Variants in HPSE2 observed in about 807,000 individuals in gnomAD.
HPSE2 encodes inactive heparanase-2.
HPSE2 carries 38 observed loss-of-function variants against 60.5 expected under a neutral mutation model. The observed-to-expected ratio is 0.63, with a 90% CI of 0.48 to 0.82. HPSE2 has a LOEUF of 0.82. Among genes scored for constraint, HPSE2 ranks in the 40% least tolerant of loss-of-function variants. The pLI, the probability that HPSE2 is intolerant of heterozygous loss-of-function variation, is 0.00. For missense variants in HPSE2, 713 were observed against 740.4 expected, an observed-to-expected ratio of 0.96 and a Z score of 0.43; for synonymous variants, 295 against 293.2, an observed-to-expected ratio of 1.01 and a Z score of -0.06.
intron 3 of HPSE2, among the ~76,000 whole-genome samples, chr10:98,795,297 G>A (rs1328389139): frequency 6.6e-6 from 1 of 152,196 alleles, no homozygotes; most frequent in Non-Finnish European, 1.5e-5. Context: ...ACAGTCTTGA[G>A]TCACCAACAC....
At chr10:98,814,138 T>C (rs1951230948) in intron 3 of HPSE2, among the ~76,000 whole-genome samples, 1 of 152,176 alleles carries the variant, frequency 6.6e-6, no homozygotes, top group South Asian at 2.1e-4. Context: ...TAAATGTTAA[T>C]AAAATCATTT....
At chr10:98,475,975 A>C (rs1940996225) in intron 11 of HPSE2, among the ~76,000 whole-genome samples, 1 of 152,192 alleles carries the variant, frequency 6.6e-6, no homozygotes, top group Admixed American at 6.5e-5. Context: ...ATTACTGGGT[A>C]TATATCCAAA....
intron 11 of HPSE2, among the ~76,000 whole-genome samples, chr10:98,466,600 GAC>G (rs1252849980): frequency 7.0e-6 from 1 of 142,854 alleles, no homozygotes; most frequent in Admixed American, 7.0e-5. Context: ...GACAGAGTGA[GAC>G]TCCGTCTCAA....
chr10:99,105,053 AAATAT>A (rs1844183876), intron 3 of HPSE2, among the ~76,000 whole-genome samples: 1 of 113,172 alleles, frequency 8.8e-6, no homozygotes. Flanking sequence ...CTAGAACTTA[AAATAT>A]AATAAAAAAA....
At chr10:98,917,626 G>C (rs1368065190) in intron 3 of HPSE2, among the ~76,000 whole-genome samples, 1 of 152,266 alleles carries the variant, frequency 6.6e-6, no homozygotes, top group South Asian at 2.1e-4. Flanking sequence ...AAGTCACCCA[G>C]TTTGGTGCCT....
At chr10:98,526,148 T>C (rs1261125273) in intron 9 of HPSE2, among the ~76,000 whole-genome samples, 2 of 152,198 alleles carry the variant, frequency 1.3e-5, no homozygotes, top group Non-Finnish European at 2.9e-5. Context: ...AATGGTAATA[T>C]ATGCTACTGA....
chr10:98,487,090 T>G (rs1941468253), intron 10 of HPSE2, among the ~76,000 whole-genome samples: 1 of 152,198 alleles, frequency 6.6e-6, no homozygotes, highest in Non-Finnish European at 1.5e-5. Flanking sequence ...GGTTCTGAAC[T>G]TGGCTAAGGA....
At chr10:98,505,514 TG>T (rs1942172198) in intron 9 of HPSE2, among the ~76,000 whole-genome samples, 1 of 152,206 alleles carries the variant, frequency 6.6e-6, no homozygotes, top group Non-Finnish European at 1.5e-5. Flanking sequence ...AGTGTCCGTA[TG>T]GATCTCCTCT....
chr10:98,580,780 T>C (rs1944772329), intron 9 of HPSE2, among the ~76,000 whole-genome samples: 1 of 148,658 alleles, frequency 6.7e-6, no homozygotes, highest in South Asian at 2.1e-4. Flanking sequence ...TCAAGAAGAG[T>C]TATGTTTCTT....
intron 3 of HPSE2, among the ~76,000 whole-genome samples, chr10:99,043,403 G>C (rs1040696885): frequency 2.0e-5 from 3 of 152,142 alleles, no homozygotes; most frequent in Admixed American, 2.0e-4. Context: ...AGAATGGCAT[G>C]AATCTGGGAC....
At chr10:99,305,971 G>GTA in the HPSE2 span, among the ~76,000 whole-genome samples, 4 of 41,984 alleles carry the variant, frequency 9.5e-5, no homozygotes, top group East Asian at 4.6e-4. Flanking sequence ...ACGCGCGCGC[G>GTA]CGCGCGCGCA....
rs1033044773 is a variant in HPSE2, at chr10:98,522,284, TA to T, written c.1321-32089del. 3.6e-4 allele frequency among the ~76,000 whole-genome samples: 55 copies of T among 151,484 alleles called. 1 individual carries two copies. The highest frequency in any genetic ancestry group is 1.2e-3 in the African/African-American group (51 of 41,296). ...AAAAAAACAATAAAACAAAATAATT[TA>T]AAAAAAAGAAAGAATCAGGCTGTGG... is the stretch of plus-strand genomic sequence containing the variant. On this transcript the variant is annotated intron_variant, in intron 9 of 11. Coordinates refer to ENST00000370552, the MANE Select transcript of HPSE2 (RefSeq NM_021828.5).
intron 3 of HPSE2, among the ~76,000 whole-genome samples, chr10:98,830,132 ACAGT>A (rs1951649931): frequency 1.3e-5 from 2 of 152,184 alleles, no homozygotes; most frequent in Non-Finnish European, 2.9e-5. Flanking sequence ...ATTCAATCAG[ACAGT>A]CAGGTGTTAG....
intron 3 of HPSE2, chr10:99,013,878 A>G: frequency 2.6e-6 from 1 of 390,248 alleles, no homozygotes; most frequent in Non-Finnish European, 5.2e-6. Flanking sequence ...TCCCTGCACT[A>G]TCCAGCCCAA....
intron 9 of HPSE2, among the ~76,000 whole-genome samples, chr10:98,530,591 CTTTTGA>C (rs1042011005): frequency 1.3e-5 from 2 of 152,176 alleles, no homozygotes; most frequent in Admixed American, 6.5e-5. Flanking sequence ...AGTCCAAAGG[CTTTTGA>C]TTTCACTGCC....
chr10:98,591,038 G>C (rs898279557), intron 9 of HPSE2, among the ~76,000 whole-genome samples: 1 of 151,994 alleles, frequency 6.6e-6, no homozygotes, highest in African/African-American at 2.4e-5. Context: ...AAGAGACTCT[G>C]AACAAGCTAT....
rs61274355 is a variant in HPSE2, at chr10:98,856,724, C to T, written c.611-112668G>A. 2.9e-3 allele frequency among the ~76,000 whole-genome samples: 443 copies of T among 152,076 alleles called. 3 individuals are homozygous for T. The highest frequency in any genetic ancestry group is 0.01 in the African/African-American group (417 of 41,508). On this transcript the variant is annotated intron_variant, in intron 3 of 11. Transcript: ENST00000370552. ...TGTTTAAAATGGTAAATGTGATGTA[C>T]GTTTTATCACTACAAAGATTATTTT...
At chr10:98,652,403 C>T (rs1946942232) in intron 6 of HPSE2, among the ~76,000 whole-genome samples, 1 of 152,196 alleles carries the variant, frequency 6.6e-6, no homozygotes, top group African/African-American at 2.4e-5. Context: ...AACAACCAGT[C>T]CCACATATAC....
intron 7 of HPSE2, among the ~76,000 whole-genome samples, chr10:98,622,237 T>C (rs1363350370): frequency 6.6e-6 from 1 of 152,096 alleles, no homozygotes; most frequent in Admixed American, 6.5e-5. Context: ...CTGAGTGAGA[T>C]TTATGGCACA....
Sources: allele counts gnomAD v4.1 joint callset (sites outside exome capture counted in the v4.1 genomes callset), GRCh38; gene constraint gnomAD v4.1.1; transcripts MANE v1.5; gene names NCBI Gene and HGNC (gene_info 2026-07-23, HGNC 2026-07-21).